Variants in PI4KA observed in about 807,000 individuals in gnomAD.
The protein encoded by PI4KA is phosphatidylinositol 4-kinase alpha.
In PI4KA, 122 loss-of-function variants were observed where a neutral mutation model predicts 271.4. The ratio of observed to expected loss-of-function variants is 0.45; its 90% CI spans 0.39 to 0.52. PI4KA has a LOEUF of 0.52. PI4KA is among the 20% of genes least tolerant of loss of function. The pLI, the probability that PI4KA is intolerant of heterozygous loss-of-function variation, is 0.00. For missense variants in PI4KA, 1,969 were observed against 2,769.1 expected, an observed-to-expected ratio of 0.71 and a Z score of 6.48; for synonymous variants, 1,041 against 1,078.8, an observed-to-expected ratio of 0.96 and a Z score of 0.69.
chr22:20,801,951 C>G (rs11914002), intron 14 of PI4KA, 22 bp downstream of exon 14: 1 of 1,612,974 alleles, frequency 6.2e-7, no homozygotes, highest in Admixed American at 1.7e-5. Flanking sequence ...GCTGTCTACT[C>G]GCCACTTGCC....
At chr22:20,759,726 C>T (rs550797952) in intron 23 of PI4KA, among the ~76,000 whole-genome samples, 2 of 152,100 alleles carry the variant, frequency 1.3e-5, no homozygotes, top group Admixed American at 6.5e-5. Context: ...CCACCACGCC[C>T]GGCTAATTTT....
chr22:20,777,824 G>A (rs577660056), intron 19 of PI4KA, among the ~76,000 whole-genome samples: 2 of 152,336 alleles, frequency 1.3e-5, no homozygotes, highest in East Asian at 3.9e-4. Context: ...GGATTTGGCA[G>A]TCAAAACAGA....
In PI4KA at chr22:20,759,621, A is replaced by G. The variant is rs1931747139; in HGVS notation, c.2791+1683T>C. On this transcript the variant is annotated intron_variant, in intron 23 of 54. Transcript: ENST00000255882. The stretch of plus-strand genomic sequence containing the variant: ...CACTCTGTCACCAAGGCTGGAGTAC[A>G]GTTGCGTGAACTCCACTCACTGCAA... Among the ~76,000 whole-genome samples, 3 of 150,446 alleles carry G rather than the reference A, an allele frequency of 2.0e-5. No individual in the cohort carries two copies. In the South Asian group the frequency reaches 6.3e-4, roughly 32 times the overall value.
intron 32 of PI4KA, among the ~76,000 whole-genome samples, chr22:20,741,231 A>T (rs917946390): frequency 1.3e-5 from 2 of 152,218 alleles, no homozygotes; most frequent in African/African-American, 4.8e-5. Context: ...CTCCCTGGCA[A>T]GAACTATAAC....
intron 14 of PI4KA, among the ~76,000 whole-genome samples, chr22:20,801,395 C>T (rs1351193451): frequency 6.7e-6 from 1 of 149,606 alleles, no homozygotes; most frequent in African/African-American, 2.5e-5. Context: ...ACCAGTCTGG[C>T]CAACATAGTG....
chr22:20,732,643 T>C (rs974154285), intron 36 of PI4KA, among the ~76,000 whole-genome samples: 6 of 152,206 alleles, frequency 3.9e-5, no homozygotes, highest in Non-Finnish European at 5.9e-5. Flanking sequence ...ACCCCAGTCA[T>C]GTGGGTGTGC....
Position 20,793,191 on chromosome 22 carries a change from AC to A in PI4KA, c.2328+1del. 1 of 1,524,932 alleles carries A rather than the reference AC, an allele frequency of 6.6e-7. No individual in the cohort carries two copies. Among genetic ancestry groups the A allele is most frequent in the Non-Finnish European group, 9.1e-7 (1 of 1,098,832 alleles). 94.5% of individuals were successfully genotyped at this position (1,524,932 alleles called of 1,614,324 possible). On this transcript the variant is annotated splice_donor_variant, in intron 19 of 54. Transcript: ENST00000255882. LOFTEE classifies it high-confidence loss of function. Reference sequence around the variant, plus strand: ...TTTATCATTCAATTAATGAATACTCACCACAGCTATTACAGGAATGAGTACT... The same window carrying A: ...TTTATCATTCAATTAATGAATACTCACACAGCTATTACAGGAATGAGTACT...
intron 1 of PI4KA, among the ~76,000 whole-genome samples, chr22:20,847,562 C>G (rs1461319943): frequency 6.6e-6 from 1 of 152,038 alleles, no homozygotes; most frequent in Non-Finnish European, 1.5e-5. Flanking sequence ...CAAGACCAAC[C>G]TGGAGTACAT....
chr22:20,784,335 G>C, intron 19 of PI4KA: 1 of 1,560,926 alleles, frequency 6.4e-7, no homozygotes, highest in African/African-American at 1.4e-5. Flanking sequence ...TTTAAAAAGG[G>C]AGAATTATGT....
intron 53 of PI4KA, 145 bp from the exon 54 acceptor site, chr22:20,709,524 T>C (rs1239732941): frequency 1.5e-5 from 10 of 666,144 alleles, no homozygotes; most frequent in South Asian, 1.0e-4. Flanking sequence ...TGTTGGAAGA[T>C]GGGGTGCTGT....
At chr22:20,740,911 T>C (rs1044708037) in intron 32 of PI4KA, among the ~76,000 whole-genome samples, 12 of 152,162 alleles carry the variant, frequency 7.9e-5, no homozygotes, top group African/African-American at 2.9e-4. Context: ...GATGAGAGAA[T>C]TTATTTCCAG....
At chr22:20,749,884 C>G (rs769694074) in intron 28 of PI4KA, 21 bp downstream of exon 28, 5 of 1,508,256 alleles carry the variant, frequency 3.3e-6, no homozygotes, top group Non-Finnish European at 4.6e-6. Flanking sequence ...ATGGCAATTG[C>G]CTTTTGATGG....
rs1922398896 is a variant in PI4KA, at chr22:20,819,907, G to T, written c.530-7C>A. On this transcript the variant is annotated splice_polypyrimidine_tract_variant and splice_region_variant and intron_variant, in intron 5 of 54. Coordinates refer to ENST00000255882, the MANE Select transcript of PI4KA (RefSeq NM_058004.4). Reference sequence around the variant, plus strand: ...GCATACTTGCAAAGGTATTCTAGAAGATCAAGTGAAAACGTTACAATATAA... The same window carrying T: ...GCATACTTGCAAAGGTATTCTAGAATATCAAGTGAAAACGTTACAATATAA... 1 of 1,611,280 alleles carries T rather than the reference G, an allele frequency of 6.2e-7. No homozygotes were observed. The highest frequency in any genetic ancestry group is 2.2e-5 in the East Asian group (1 of 44,882).
At chr22:20,842,959 G>A (rs576289450) in intron 1 of PI4KA, among the ~76,000 whole-genome samples, 6 of 151,974 alleles carry the variant, frequency 3.9e-5, no homozygotes, top group East Asian at 1.9e-4. Context: ...TTAGCCAGGC[G>A]TGGCGGCATG....
At chr22:20,730,167 G>A (rs1307941573) in intron 36 of PI4KA, among the ~76,000 whole-genome samples, 156 bp from the exon 37 acceptor site, 1 of 152,126 alleles carries the variant, frequency 6.6e-6, no homozygotes, top group African/African-American at 2.4e-5. Context: ...CTGTCTGGAT[G>A]GTGGGTTTTC....
intron 2 of PI4KA, among the ~76,000 whole-genome samples, chr22:20,835,132 G>T (rs80268633): frequency 1.4e-5 from 2 of 145,936 alleles, no homozygotes; most frequent in East Asian, 2.0e-4. Flanking sequence ...TTTTCCTTGT[G>T]TTTTTTTTTT....
At chr22:20,758,662 A>C (rs1363936890) in intron 23 of PI4KA, among the ~76,000 whole-genome samples, 1 of 152,114 alleles carries the variant, frequency 6.6e-6, no homozygotes, top group African/African-American at 2.4e-5. Flanking sequence ...ATCAATGAAC[A>C]GTTCAGCCAG....
At chr22:20,839,085 C>T (rs1170064826) in intron 1 of PI4KA, among the ~76,000 whole-genome samples, 3 of 152,108 alleles carry the variant, frequency 2.0e-5, no homozygotes, top group South Asian at 4.1e-4. Context: ...GGCGTGGTGG[C>T]GCACACCTAT....
rs189712946 is a variant in PI4KA, at chr22:20,825,778, T to C, written c.368-1364A>G. Among the ~76,000 whole-genome samples the C allele has an allele frequency of 1.7e-3, 262 of 152,268 alleles. 2 individuals carry two copies. Among genetic ancestry groups the C allele is most frequent in the African/African-American group, 6.0e-3 (251 of 41,554 alleles). Reference sequence around the variant, plus strand: ...CAGGGGTACATACGCAGTTTTGTTATACAGGTAAACTGCATGTTACGGGGG... The same window carrying C: ...CAGGGGTACATACGCAGTTTTGTTACACAGGTAAACTGCATGTTACGGGGG... On this transcript the variant is annotated intron_variant, in intron 3 of 54. Transcript: ENST00000255882.
Sources: allele counts gnomAD v4.1 joint callset (sites outside exome capture counted in the v4.1 genomes callset), GRCh38; gene constraint gnomAD v4.1.1; transcripts MANE v1.5; gene names NCBI Gene and HGNC (gene_info 2026-07-23, HGNC 2026-07-21).